The following CUL3 variants were observed in gnomAD, a reference collection of about 807,000 sequenced individuals.
The protein encoded by CUL3 is cullin 3, also known as cullin-3.
In CUL3, 19 loss-of-function variants were observed where a neutral mutation model predicts 89.1. The ratio of observed to expected loss-of-function variants is 0.21; its 90% CI spans 0.15 to 0.31. The LOEUF (loss-of-function observed/expected upper bound fraction) is 0.31, where lower values mean the gene tolerates loss of function less well. Among genes scored for constraint, CUL3 ranks in the 10% least tolerant of loss-of-function variants. CUL3 has a pLI of 1.00. For synonymous variants in CUL3, 351 were observed against 308.4 expected (o/e 1.14, Z -1.45); for missense variants, 469 against 942.3 (o/e 0.50, Z 6.58).
chr2:224,502,462 A>C (rs1692427952), intron 10 of CUL3, among the ~76,000 whole-genome samples: 1 of 152,312 alleles, frequency 6.6e-6, no homozygotes, highest in East Asian at 1.9e-4. Flanking sequence ...TTTATAATAC[A>C]TTAATTTCTG....
rs1691191409 is a variant in CUL3 at position 224,473,201 on chromosome 2, G to C, written c.*1044C>G. On this transcript the variant is annotated 3_prime_UTR_variant, in exon 16 of 16. Transcript: ENST00000264414. ...TTGAAGATTTCATTAAAACTATCAA[G>C]GTCATCATATTTATTGCATCTTTAG... The C allele has an allele frequency of 5.1e-6, 1 of 195,456 alleles. No individual in the cohort carries two copies. The highest frequency in any genetic ancestry group is 1.1e-5 in the Non-Finnish European group (1 of 93,712). The allele number at this position is 195,456 out of a possible 1,614,324, so 12.1% of individuals were successfully genotyped here.
In CUL3 at chr2:224,504,201, C is replaced by T. The variant is rs1005324477; in HGVS notation, c.1207-379G>A. 5.6e-5 allele frequency: 9 copies of T among 160,454 alleles called. No homozygotes were observed. The South Asian group carries it at 6.1e-4, about 11-fold the overall frequency. The allele number at this position is 160,454 out of a possible 1,614,324, so 9.9% of individuals were successfully genotyped here. On this transcript the variant is annotated intron_variant, in intron 8 of 15. Transcript: ENST00000264414. ...GGCAAAAACTTACACAGCCAAAAGA[C>T]GGAATTTTTCATTTAAGCTCACTGA...
chr2:224,574,584 G>C (rs1296845399), intron 1 of CUL3, among the ~76,000 whole-genome samples: 1 of 152,194 alleles, frequency 6.6e-6, no homozygotes, highest in Non-Finnish European at 1.5e-5. Flanking sequence ...CACAGAGGGA[G>C]CTTTCAAAGA....
intron 4 of CUL3, among the ~76,000 whole-genome samples, chr2:224,513,900 G>A (rs1480790445): frequency 2.6e-5 from 4 of 152,176 alleles, no homozygotes; most frequent in Non-Finnish European, 5.9e-5. Flanking sequence ...AAAACACAGA[G>A]AGGCTGTTTA....
chr2:224,471,806 AAC>A lies in CUL3; in HGVS notation c.*2437_*2438del, dbSNP rs1251073804. ...TAATGAAGGCAGAGAATTACACTTT[AAC>A]AGTTACTGAAGAGATGACATGATTT... On this transcript the variant is annotated 3_prime_UTR_variant, in exon 16 of 16. Transcript: ENST00000264414. 18 of 228,566 alleles carry A rather than the reference AAC, an allele frequency of 7.9e-5. No individual in the cohort carries two copies. The highest frequency in any genetic ancestry group is 1.6e-4 in the Non-Finnish European group (18 of 115,288). The allele number at this position is 228,566 out of a possible 1,614,324, so 14.2% of individuals were successfully genotyped here. A position where few individuals can be genotyped will look rare whatever the true frequency, so the allele number is the denominator to read the frequency against.
chr2:224,557,206 TA>T (rs1372489559), intron 2 of CUL3, among the ~76,000 whole-genome samples: 1 of 152,000 alleles, frequency 6.6e-6, no homozygotes, highest in South Asian at 2.1e-4. Flanking sequence ...AATTTATCTT[TA>T]AAAAAAATTC....
intron 3 of CUL3, among the ~76,000 whole-genome samples, chr2:224,519,283 T>TC (rs1693176779): frequency 6.6e-6 from 1 of 152,202 alleles, no homozygotes. Flanking sequence ...GCACATGGGT[T>TC]CCATCCCCAC....
chr2:224,522,799 G>A (rs1421661388), intron 3 of CUL3, among the ~76,000 whole-genome samples: 1 of 148,002 alleles, frequency 6.8e-6, no homozygotes, highest in Admixed American at 6.9e-5. Flanking sequence ...CTGCACTCCA[G>A]CCTGGGTGAC....
At chr2:224,503,976 C>T in intron 8 of CUL3, 154 bp from the exon 9 acceptor site, 1 of 563,536 alleles carries the variant, frequency 1.8e-6, no homozygotes, top group East Asian at 3.0e-5. Context: ...AAAGTGTCTC[C>T]TACTTCACAC....
intron 1 of CUL3, among the ~76,000 whole-genome samples, chr2:224,565,751 T>C (rs1387086841): frequency 6.6e-6 from 1 of 152,348 alleles, no homozygotes; most frequent in East Asian, 1.9e-4. Flanking sequence ...CCATTAGCTC[T>C]TGAATTTCTT....
intron 1 of CUL3, among the ~76,000 whole-genome samples, chr2:224,567,666 G>A (rs555580519): frequency 9.4e-4 from 143 of 152,138 alleles, no homozygotes; most frequent in African/African-American, 3.4e-3. Flanking sequence ...CGTGAACCCA[G>A]GAGGCAGAGG....
intron 3 of CUL3, among the ~76,000 whole-genome samples, chr2:224,532,533 T>C (rs539837574): frequency 6.6e-6 from 1 of 151,702 alleles, no homozygotes; most frequent in Non-Finnish European, 1.5e-5. Context: ...ACCATGGTGA[T>C]ACTAGTAAGG....
At chr2:224,584,049 G>A (rs1483484329) in intron 1 of CUL3, among the ~76,000 whole-genome samples, 1 of 152,146 alleles carries the variant, frequency 6.6e-6, no homozygotes, top group Non-Finnish European at 1.5e-5. Flanking sequence ...TTAATTGCTT[G>A]CCACGGGGAA....
Position 224,585,301 on chromosome 2 carries a change from C to G in CUL3, c.-292G>C. 1 of 401,834 alleles carries G rather than the reference C, an allele frequency of 2.5e-6. No individual in the cohort carries two copies. The allele number at this position is 401,834 out of a possible 1,614,324, so 24.9% of individuals were successfully genotyped here. ...GCTCGGCTCCCTTTATCGCGCTCCT[C>G]CGCGATGGCGGCGGCGGCGGCGACG... On this transcript the variant is annotated 5_prime_UTR_variant, in exon 1 of 16. Transcript: ENST00000264414.
At position 224,585,034 on chromosome 2, in the gene CUL3, G is replaced by A. The variant is rs547630909; in HGVS notation, c.-25C>T. ...TGGTGCTCGTCCCCTCCCCGGCGGC[G>A]GCTTCAGGTCGCGCTCCGCGACGCC... is the stretch of plus-strand genomic sequence containing the variant. On this transcript the variant is annotated 5_prime_UTR_variant, in exon 1 of 16. Transcript: ENST00000264414. 6 of 1,482,878 alleles carry A rather than the reference G, an allele frequency of 4.0e-6. No homozygotes were observed. The Admixed American group carries it at 5.9e-5, about 15-fold the overall frequency. 91.9% of individuals were successfully genotyped at this position (1,482,878 alleles called of 1,614,324 possible).
chr2:224,541,869 T>C (rs1244246161), intron 2 of CUL3, among the ~76,000 whole-genome samples: 1 of 152,036 alleles, frequency 6.6e-6, no homozygotes, highest in Non-Finnish European at 1.5e-5. Context: ...AGTGTTAAGA[T>C]AGCAGATCAG....
chr2:224,541,634 C>A (rs1228146886), intron 2 of CUL3, among the ~76,000 whole-genome samples: 1 of 152,188 alleles, frequency 6.6e-6, no homozygotes, highest in Non-Finnish European at 1.5e-5. Context: ...AGCAGCTCTA[C>A]TCACAACCAC....
chr2:224,477,468 G>C (rs1239037563), intron 15 of CUL3, among the ~76,000 whole-genome samples: 1 of 152,180 alleles, frequency 6.6e-6, no homozygotes, highest in Non-Finnish European at 1.5e-5. Flanking sequence ...AGTTTTAACT[G>C]CATTCTCATA....
At chr2:224,497,955 T>A in intron 11 of CUL3, 106 bp from the exon 12 acceptor site, 1 of 821,382 alleles carries the variant, frequency 1.2e-6, no homozygotes, top group Non-Finnish European at 2.0e-6. Context: ...TGTGTGTGTG[T>A]GTATGGACTT....
Sources: gnomAD v4.1 joint callset for allele counts (sites outside exome capture counted in the v4.1 genomes callset) on GRCh38, gnomAD v4.1.1 for gene constraint, MANE v1.5 for transcripts, NCBI Gene and HGNC (gene_info 2026-07-23, HGNC 2026-07-21) for gene names.